Variants in CTNNA3 observed in about 807,000 individuals in gnomAD.
The protein encoded by CTNNA3 is catenin alpha-3.
Under a neutral mutation model 95.7 loss-of-function variants are expected in CTNNA3, and 76 were observed. The ratio of observed to expected loss-of-function variants is 0.79; its 90% CI spans 0.66 to 0.96. The LOEUF (loss-of-function observed/expected upper bound fraction) is 0.96, where lower values mean the gene tolerates loss of function less well. CTNNA3 is among the 40% of genes least tolerant of loss of function. The pLI is 0.00. For missense variants in CTNNA3, 1,191 were observed against 1,089.8 expected (o/e 1.09, Z -1.31); for synonymous variants, 431 against 374.4 (o/e 1.15, Z -1.74).
chr10:66,474,787 G>A (rs751354432), intron 11 of CTNNA3, among the ~76,000 whole-genome samples: 114 of 152,154 alleles, frequency 7.5e-4, no homozygotes, highest in Non-Finnish European at 1.4e-3. Flanking sequence ...TTTCCCTGAT[G>A]ATTAGTGATG....
intron 5 of CTNNA3, among the ~76,000 whole-genome samples, chr10:67,317,102 G>GA (rs1241480382): frequency 1.3e-5 from 2 of 152,018 alleles, no homozygotes; most frequent in African/African-American, 2.4e-5. Context: ...TCTTTTGAAA[G>GA]AAAAAATTAG....
At chr10:66,218,504 A>G (rs2088701260) in intron 13 of CTNNA3, among the ~76,000 whole-genome samples, 1 of 152,164 alleles carries the variant, frequency 6.6e-6, no homozygotes, top group Admixed American at 6.5e-5. Context: ...GCCTTCTGCA[A>G]AAACCACATG....
At chr10:66,806,817 G>A (rs1411144027) in intron 7 of CTNNA3, among the ~76,000 whole-genome samples, 1 of 150,006 alleles carries the variant, frequency 6.7e-6, no homozygotes, top group African/African-American at 2.5e-5. Context: ...TACACAATGT[G>A]GTATGTGTAT....
intron 11 of CTNNA3, among the ~76,000 whole-genome samples, chr10:66,409,835 C>A (rs1213782626): frequency 6.6e-6 from 1 of 152,158 alleles, no homozygotes. Context: ...AAGGTACAAT[C>A]AGGGACCTTC....
intron 5 of CTNNA3, chr10:67,403,403 G>A (rs1589257143): frequency 6.6e-6 from 1 of 152,288 alleles, no homozygotes; most frequent in South Asian, 2.1e-4. Context: ...TACAGGCAGA[G>A]ATGGATCCCC....
intron 13 of CTNNA3, among the ~76,000 whole-genome samples, chr10:66,162,055 T>C (rs1481153817): frequency 2.0e-5 from 3 of 147,666 alleles, no homozygotes; most frequent in African/African-American, 7.4e-5. Context: ...GAATTTTTTA[T>C]TTTTTTTTTC....
chr10:67,037,514 G>T (rs1415918875), intron 7 of CTNNA3, among the ~76,000 whole-genome samples: 1 of 152,108 alleles, frequency 6.6e-6, no homozygotes, highest in African/African-American at 2.4e-5. Flanking sequence ...TTTAGGTAGA[G>T]GAGTGATCAT....
intron 15 of CTNNA3, among the ~76,000 whole-genome samples, chr10:66,052,799 GC>G (rs2079988916): frequency 6.6e-6 from 1 of 152,004 alleles, no homozygotes; most frequent in African/African-American, 2.4e-5. Context: ...TATGGGCAAA[GC>G]ATTCTTTCTG....
chr10:66,479,579 C>T (rs549088654), intron 11 of CTNNA3, among the ~76,000 whole-genome samples: 2 of 151,876 alleles, frequency 1.3e-5, no homozygotes, highest in South Asian at 4.2e-4. Context: ...CTACCAGCAC[C>T]CCTTAGTCAC....
intron 3 of CTNNA3, among the ~76,000 whole-genome samples, chr10:67,549,960 T>C (rs1840966582): frequency 6.6e-6 from 1 of 152,192 alleles, no homozygotes; most frequent in Non-Finnish European, 1.5e-5. Context: ...TCATCTGAGA[T>C]AAATGAACTA....
intron 15 of CTNNA3, among the ~76,000 whole-genome samples, chr10:66,052,103 C>A (rs2079971163): frequency 1.3e-5 from 2 of 152,022 alleles, no homozygotes; most frequent in African/African-American, 4.8e-5. Flanking sequence ...GATTTGAAAG[C>A]ACAGAGTAAG....
At chr10:66,970,124 G>A (rs1849637395) in intron 7 of CTNNA3, among the ~76,000 whole-genome samples, 1 of 152,070 alleles carries the variant, frequency 6.6e-6, no homozygotes, top group African/African-American at 2.4e-5. Flanking sequence ...CTCATGGACA[G>A]CCACATCTTT....
chr10:66,215,932 C>T (rs1483931737), intron 13 of CTNNA3, among the ~76,000 whole-genome samples: 2 of 152,176 alleles, frequency 1.3e-5, no homozygotes, highest in Non-Finnish European at 2.9e-5. Flanking sequence ...CCTTTTTGTA[C>T]AGATTTCAGA....
chr10:65,991,386 A>G (rs2078542814), intron 15 of CTNNA3, among the ~76,000 whole-genome samples: 1 of 151,958 alleles, frequency 6.6e-6, no homozygotes, highest in Non-Finnish European at 1.5e-5. Flanking sequence ...AATTCTTCTG[A>G]TCTATGGGCA....
At chr10:67,511,234 T>A (rs991407092) in intron 5 of CTNNA3, among the ~76,000 whole-genome samples, 2 of 152,184 alleles carry the variant, frequency 1.3e-5, no homozygotes, top group African/African-American at 4.8e-5. Context: ...CTATGTTGAA[T>A]AGGAGTGGTG....
At chr10:66,618,567 G>A (rs1471841709) in intron 10 of CTNNA3, among the ~76,000 whole-genome samples, 2 of 152,040 alleles carry the variant, frequency 1.3e-5, no homozygotes, top group Non-Finnish European at 2.9e-5. Context: ...ATTCAAGAAG[G>A]ATTAAAGACT....
At chr10:66,044,307 GA>G (rs2079774179) in intron 15 of CTNNA3, among the ~76,000 whole-genome samples, 1 of 151,850 alleles carries the variant, frequency 6.6e-6, no homozygotes, top group African/African-American at 2.4e-5. Flanking sequence ...TTTTTATCCA[GA>G]AAAATCAAAA....
chr10:66,592,822 C>T (rs1386766732), intron 10 of CTNNA3, among the ~76,000 whole-genome samples: 4 of 152,058 alleles, frequency 2.6e-5, no homozygotes, highest in African/African-American at 7.2e-5. Context: ...AGTGTCTGCA[C>T]AGGGTAAATA....
intron 5 of CTNNA3, among the ~76,000 whole-genome samples, chr10:67,505,810 G>T (rs1161216862): frequency 1.3e-5 from 2 of 152,028 alleles, no homozygotes; most frequent in African/African-American, 4.8e-5. Context: ...GTTTTATAAT[G>T]GAGTAGATGA....
Sources: allele counts gnomAD v4.1 joint callset (sites outside exome capture counted in the v4.1 genomes callset), GRCh38; gene constraint gnomAD v4.1.1; transcripts MANE v1.5; gene names NCBI Gene and HGNC (gene_info 2026-07-23, HGNC 2026-07-21).